The following SLC1A3 variants were observed in gnomAD, a reference collection of about 807,000 sequenced individuals.
SLC1A3 encodes solute carrier family 1 member 3.
Under a neutral mutation model 48.1 loss-of-function variants are expected in SLC1A3, and 21 were observed. That is an observed-to-expected ratio of 0.44 (90% confidence interval 0.31 to 0.63). SLC1A3 has a LOEUF of 0.63. Among genes scored for constraint, SLC1A3 ranks in the 20% least tolerant of loss-of-function variants. The pLI is 0.08. For missense variants in SLC1A3, 546 were observed against 689.0 expected (o/e 0.79, Z 2.32); for synonymous variants, 239 against 251.4 (o/e 0.95, Z 0.47).
chr5:36,606,022 T>A (rs1046254581), upstream of SLC1A3, among the ~76,000 whole-genome samples: 1 of 152,246 alleles, frequency 6.6e-6, no homozygotes, highest in African/African-American at 2.4e-5. Context: ...ACAGGCAGTG[T>A]GAGCTAAATT....
intron 3 of SLC1A3, among the ~76,000 whole-genome samples, chr5:36,643,366 TATTAA>T (rs1479150704): frequency 6.6e-6 from 1 of 152,204 alleles, no homozygotes; most frequent in Non-Finnish European, 1.5e-5. Context: ...TCAGGGTGGG[TATTAA>T]ATGCTGTCTC....
In SLC1A3 at chr5:36,687,796, G is replaced by A. The variant is rs1742716452; in HGVS notation, c.*1527G>A. 1 of 152,608 alleles carries A rather than the reference G, an allele frequency of 6.6e-6. No homozygotes were observed. The highest frequency in any genetic ancestry group is 1.5e-5 in the Non-Finnish European group (1 of 68,030). 9.5% of individuals were successfully genotyped at this position (152,608 alleles called of 1,614,324 possible). Reference sequence around the variant, plus strand: ...AAAAACAGCAGGGGCATTAGTTTCAGGCAAGGCAGCTCCCAGGTTTAGAGA... The same window carrying A: ...AAAAACAGCAGGGGCATTAGTTTCAAGCAAGGCAGCTCCCAGGTTTAGAGA... On this transcript the variant is annotated 3_prime_UTR_variant, in exon 10 of 10. Coordinates refer to ENST00000265113, the MANE Select transcript of SLC1A3 (RefSeq NM_004172.5).
In SLC1A3 at chr5:36,671,204, A is replaced by C; in HGVS notation, c.495A>C (p.Thr165=). ...MHREGKIVRV[T]AADAFLDLIR... ...GAGAAGGCAAAATTGTACGAGTGAC[A>C]GCTGCAGATGCCTTCCTGGACTTGA... The change falls in exon 4 of 10, where the codon ACA becomes ACC. Residue 165 remains threonine (T), a synonymous_variant. Transcript: ENST00000265113. 6.2e-7 allele frequency: 1 copy of C among 1,613,738 alleles called. No individual in the cohort carries two copies. Among genetic ancestry groups the C allele is most frequent in the Non-Finnish European group, 8.5e-7 (1 of 1,179,686 alleles).
chr5:36,611,984 A>G (rs1173197028), intron 2 of SLC1A3, among the ~76,000 whole-genome samples: 1 of 152,208 alleles, frequency 6.6e-6, no homozygotes, highest in African/African-American at 2.4e-5. Flanking sequence ...ATAGGAATGC[A>G]TAGAATTGAG....
chr5:36,625,581 C>T (rs974736125), intron 2 of SLC1A3, among the ~76,000 whole-genome samples: 9 of 152,144 alleles, frequency 5.9e-5, no homozygotes, highest in African/African-American at 2.2e-4. Flanking sequence ...CCAGTGTAAT[C>T]TCATCTTTTT....
chr5:36,634,331 G>A (rs1371517107), intron 3 of SLC1A3, among the ~76,000 whole-genome samples: 1 of 145,904 alleles, frequency 6.9e-6, no homozygotes, highest in African/African-American at 2.7e-5. Flanking sequence ...ATTAGCAAAT[G>A]TTAACAAGGT....
intron 3 of SLC1A3, among the ~76,000 whole-genome samples, chr5:36,634,953 G>A (rs1383460733): frequency 6.6e-6 from 1 of 152,194 alleles, no homozygotes; most frequent in African/African-American, 2.4e-5. Flanking sequence ...TAACACAAAA[G>A]GGCTAGACAA....
intron 2 of SLC1A3, among the ~76,000 whole-genome samples, chr5:36,610,860 G>C (rs918725799): frequency 3.9e-5 from 6 of 152,140 alleles, no homozygotes; most frequent in African/African-American, 1.4e-4. Context: ...AACTGAGGAG[G>C]CAGAAGCAGC....
chr5:36,615,626 C>G (rs1189854965), intron 2 of SLC1A3, among the ~76,000 whole-genome samples: 5 of 152,178 alleles, frequency 3.3e-5, no homozygotes, highest in Admixed American at 3.3e-4. Flanking sequence ...GCCCATCTCT[C>G]ATAAATTAGG....
chr5:36,651,950 C>T (rs528101282), intron 3 of SLC1A3, among the ~76,000 whole-genome samples: 3 of 152,200 alleles, frequency 2.0e-5, no homozygotes, highest in African/African-American at 7.2e-5. Flanking sequence ...TATTACACTG[C>T]TTCCCTGAGC....
chr5:36,612,442 G>A (rs568508001), intron 2 of SLC1A3, among the ~76,000 whole-genome samples: 5 of 152,020 alleles, frequency 3.3e-5, no homozygotes, highest in East Asian at 1.9e-4. Context: ...AAAAGTATCC[G>A]GGTGTAGTGG....
chr5:36,616,634 C>T (rs916766558), intron 2 of SLC1A3, among the ~76,000 whole-genome samples: 6 of 152,188 alleles, frequency 3.9e-5, no homozygotes, highest in African/African-American at 1.2e-4. Flanking sequence ...TTATTCAGAA[C>T]CTTGTATGAT....
chr5:36,680,251 TC>T, intron 7 of SLC1A3, 143 bp from the exon 8 acceptor site: 1 of 744,300 alleles, frequency 1.3e-6, no homozygotes. Flanking sequence ...CTTAACCTGC[TC>T]CCCTATTTAT....
exon 1 of SLC1A3, among the ~76,000 whole-genome samples, chr5:36,596,660 C>G (rs1315763443): frequency 6.6e-6 from 1 of 152,096 alleles, no homozygotes; most frequent in Non-Finnish European, 1.5e-5. Context: ...CTCCAGCTAC[C>G]CTGTGCAGGG....
Position 36,610,470 on chromosome 5 carries a change from T to C in SLC1A3, c.181+1866T>C, listed in dbSNP as rs150789778. On this transcript the variant is annotated intron_variant, in intron 2 of 9. Transcript: ENST00000265113. Reference sequence around the variant, plus strand: ...AATACTGGAGTATATTTGAAAAAGATGGAGAAACACCATTCAAAATGGTGT... The same window carrying C: ...AATACTGGAGTATATTTGAAAAAGACGGAGAAACACCATTCAAAATGGTGT... 2.9e-3 allele frequency among the ~76,000 whole-genome samples: 437 copies of C among 152,248 alleles called. 1 individual carries two copies. Among genetic ancestry groups the C allele is most frequent in the African/African-American group, 9.4e-3 (391 of 41,550 alleles).
At chr5:36,640,811 T>C (rs1740585780) in intron 3 of SLC1A3, among the ~76,000 whole-genome samples, 2 of 151,658 alleles carry the variant, frequency 1.3e-5, no homozygotes, top group Admixed American at 1.3e-4. Context: ...TCATCTATAA[T>C]ACCCCTGGTC....
intron 1 of SLC1A3, among the ~76,000 whole-genome samples, chr5:36,597,970 A>T (rs1738764213): frequency 6.6e-6 from 1 of 151,976 alleles, no homozygotes; most frequent in Admixed American, 6.6e-5. Context: ...TGTTTTCCCT[A>T]CCATAATGTA....
chr5:36,608,623 A>G lies in SLC1A3; in HGVS notation c.181+19A>G. ...ATTGTGGGTGAGTCATTTGATTAAA[A>G]ACAAAAAAACCTGTATCTTGTTTCT... is the stretch of plus-strand genomic sequence containing the variant. On this transcript the variant is annotated intron_variant, in intron 2 of 9. Transcript: ENST00000265113. 6.3e-7 allele frequency: 1 copy of G among 1,596,760 alleles called. No homozygotes were observed. Among genetic ancestry groups the G allele is most frequent in the Non-Finnish European group, 8.5e-7 (1 of 1,178,134 alleles).
chr5:36,610,230 A>C (rs1425481764), intron 2 of SLC1A3, among the ~76,000 whole-genome samples: 1 of 152,186 alleles, frequency 6.6e-6, no homozygotes. Flanking sequence ...CTTTTAAGAG[A>C]TGCCAGGAAG....
Sources: allele counts gnomAD v4.1 joint callset (sites outside exome capture counted in the v4.1 genomes callset), GRCh38; gene constraint gnomAD v4.1.1; transcripts MANE v1.5; gene names NCBI Gene and HGNC (gene_info 2026-07-23, HGNC 2026-07-21).